SERPINI1: variants seen among roughly 807,000 people sequenced by gnomAD.
The protein encoded by SERPINI1 is serpin family I member 1.
SERPINI1 carries 19 observed loss-of-function variants against 41.1 expected under a neutral mutation model. That is an observed-to-expected ratio of 0.46 (90% CI 0.32 to 0.68). The LOEUF is 0.68. SERPINI1 is among the 30% of genes least tolerant of loss of function. The pLI is 0.03. For synonymous variants in SERPINI1, 138 were observed against 156.6 expected (o/e 0.88, Z 0.89); for missense variants, 460 against 479.2 (o/e 0.96, Z 0.37).
chr3:167,754,613 A>G (rs1343423872), intron 1 of SERPINI1, among the ~76,000 whole-genome samples: 3 of 152,216 alleles, frequency 2.0e-5, no homozygotes, highest in African/African-American at 4.8e-5. Flanking sequence ...TCCTTGGAAC[A>G]TACTGGAAGT....
At chr3:167,824,154 C>T (rs543126059) in intron 7 of SERPINI1, among the ~76,000 whole-genome samples, 47 of 152,262 alleles carry the variant, frequency 3.1e-4, no homozygotes, top group African/African-American at 1.1e-3. Context: ...TAAAGACACA[C>T]ATATTTATGT....
At chr3:167,791,644 A>G (rs1382811362) in intron 3 of SERPINI1, among the ~76,000 whole-genome samples, 3 of 152,224 alleles carry the variant, frequency 2.0e-5, no homozygotes, top group Admixed American at 1.3e-4. Context: ...GCAAAGACCC[A>G]ATATCCTTTA....
At chr3:167,772,319 T>C (rs556615320) in intron 1 of SERPINI1, among the ~76,000 whole-genome samples, 1 of 152,268 alleles carries the variant, frequency 6.6e-6, no homozygotes, top group South Asian at 2.1e-4. Flanking sequence ...CTGAATGTTA[T>C]TAACAATTCT....
At chr3:167,799,850 A>C (rs1414636842) in intron 5 of SERPINI1, among the ~76,000 whole-genome samples, 1 of 152,128 alleles carries the variant, frequency 6.6e-6, no homozygotes, top group Non-Finnish European at 1.5e-5. Context: ...TCTTCTTTTG[A>C]GAAGTGTCTG....
At chr3:167,805,546 A>G (rs918397913) in intron 5 of SERPINI1, among the ~76,000 whole-genome samples, 1 of 152,170 alleles carries the variant, frequency 6.6e-6, no homozygotes, top group Non-Finnish European at 1.5e-5. Context: ...TAGTTTAGTT[A>G]GATCCCATTT....
chr3:167,737,244 A>G (rs1295981539), intron 1 of SERPINI1, among the ~76,000 whole-genome samples: 1 of 151,956 alleles, frequency 6.6e-6, no homozygotes, highest in Non-Finnish European at 1.5e-5. Flanking sequence ...TCCCTCCCAC[A>G]CTCTCACATA....
chr3:167,748,752 CTGTGTGTGTGTGTGTGTGTGTGTGTGTG>C (rs34438429), intron 1 of SERPINI1, among the ~76,000 whole-genome samples: 2 of 143,548 alleles, frequency 1.4e-5, no homozygotes, highest in African/African-American at 5.2e-5. Flanking sequence ...GTGTGTTACT[CTGTGTGTGTGTGTGTGTGTGTGTGTGTG>C]TGTGTGTGTG....
chr3:167,798,718 A>G (rs1001394995), intron 5 of SERPINI1, among the ~76,000 whole-genome samples: 5 of 152,082 alleles, frequency 3.3e-5, no homozygotes, highest in Admixed American at 1.3e-4. Context: ...ATTTATACAA[A>G]CAGCTTTCAA....
intron 1 of SERPINI1, among the ~76,000 whole-genome samples, chr3:167,758,774 T>G (rs1472141868): frequency 6.6e-6 from 1 of 152,218 alleles, no homozygotes; most frequent in African/African-American, 2.4e-5. Flanking sequence ...GTATCAGTGT[T>G]AATTTCCTGG....
chr3:167,784,415 T>C (rs2108553471), intron 1 of SERPINI1, among the ~76,000 whole-genome samples: 1 of 152,352 alleles, frequency 6.6e-6, no homozygotes, highest in South Asian at 2.1e-4. Context: ...CTTGGCTGAA[T>C]GAATGGCTAA....
chr3:167,825,535 G>C lies in SERPINI1; in HGVS notation c.*212G>C. ...TGTTATGTCATTGTGTTTGTGTGCT[G>C]TTGTTTAAAATAAAAGTACCTATTG... On this transcript the variant is annotated 3_prime_UTR_variant, in exon 9 of 9. Coordinates refer to ENST00000446050, the MANE Select transcript of SERPINI1 (RefSeq NM_001122752.2). The C allele has an allele frequency of 1.9e-6, 1 of 519,666 alleles. No individual in the cohort carries two copies. The highest frequency in any genetic ancestry group is 2.4e-5 in the South Asian group (1 of 41,022). The allele number at this position is 519,666 out of a possible 1,614,324, so 32.2% of individuals were successfully genotyped here.
intron 1 of SERPINI1, among the ~76,000 whole-genome samples, chr3:167,743,661 T>C (rs776131856): frequency 6.6e-5 from 10 of 152,210 alleles, no homozygotes; most frequent in Middle Eastern, 3.4e-3. Flanking sequence ...TTGGATTCTA[T>C]AGGGGAATAT....
At chr3:167,782,454 G>C (rs1403459511) in intron 1 of SERPINI1, among the ~76,000 whole-genome samples, 1 of 152,146 alleles carries the variant, frequency 6.6e-6, no homozygotes, top group Admixed American at 6.5e-5. Flanking sequence ...AACTACTCTT[G>C]CTGTTCCTTC....
chr3:167,757,355 T>A (rs1726225243), intron 1 of SERPINI1, among the ~76,000 whole-genome samples: 1 of 152,172 alleles, frequency 6.6e-6, no homozygotes. Flanking sequence ...AATAAATGAT[T>A]TTATAAACAA....
chr3:167,772,864 CTATATATATATA>C (rs1161668820), intron 1 of SERPINI1, among the ~76,000 whole-genome samples: 2 of 24,644 alleles, frequency 8.1e-5, no homozygotes, highest in African/African-American at 3.7e-4. Flanking sequence ...CTCTCTCTCT[CTATATATATATA>C]TATATATATA....
At chr3:167,743,019 T>A (rs1363278389) in intron 1 of SERPINI1, among the ~76,000 whole-genome samples, 1 of 152,162 alleles carries the variant, frequency 6.6e-6, no homozygotes, top group African/African-American at 2.4e-5. Context: ...ATACTTTGCA[T>A]TACAAACACT....
intron 1 of SERPINI1, among the ~76,000 whole-genome samples, chr3:167,749,729 C>G (rs1157186393): frequency 6.6e-6 from 1 of 152,130 alleles, no homozygotes; most frequent in Non-Finnish European, 1.5e-5. Flanking sequence ...TATCCATTAG[C>G]CTTTATGCAG....
At chr3:167,789,680 A>G (rs1727433688) in intron 2 of SERPINI1, among the ~76,000 whole-genome samples, 2 of 152,176 alleles carry the variant, frequency 1.3e-5, no homozygotes, top group South Asian at 4.1e-4. Flanking sequence ...GCACATATTT[A>G]TCGCACAAAT....
chr3:167,771,171 G>C (rs1360825062), intron 1 of SERPINI1, among the ~76,000 whole-genome samples: 2 of 152,074 alleles, frequency 1.3e-5, no homozygotes, highest in Non-Finnish European at 2.9e-5. Context: ...TAACTTCTCA[G>C]AATTTATCCT....
Sources: gnomAD v4.1 joint callset for allele counts (sites outside exome capture counted in the v4.1 genomes callset) on GRCh38, gnomAD v4.1.1 for gene constraint, MANE v1.5 for transcripts, NCBI Gene and HGNC (gene_info 2026-07-23, HGNC 2026-07-21) for gene names.